IFFO2: variants seen among roughly 807,000 people sequenced by gnomAD.
IFFO2 encodes the protein intermediate filament family orphan 2.
IFFO2 carries 19 observed loss-of-function variants against 53.5 expected under a neutral mutation model. The ratio of observed to expected loss-of-function variants is 0.36; its 90% CI spans 0.25 to 0.52. The LOEUF is 0.52. Ranked by LOEUF, IFFO2 falls within the 20% of genes least tolerant of loss-of-function variation. IFFO2 has a pLI of 0.94. For synonymous variants in IFFO2, 303 were observed against 313.6 expected (o/e 0.97, Z 0.36); for missense variants, 570 against 727.4 (o/e 0.78, Z 2.49).
chr1:18,934,064 T>C (rs1224484543), intron 1 of IFFO2, among the ~76,000 whole-genome samples: 9 of 115,254 alleles, frequency 7.8e-5, no homozygotes, highest in African/African-American at 2.9e-4. Flanking sequence ...TTTCTTTTTT[T>C]TTTTTTTTTT....
rs1936727210 is a variant in IFFO2, at chr1:18,956,290, C to G, written c.43G>C (p.Gly15Arg). The G allele has an allele frequency of 4.4e-6, 3 of 680,666 alleles. No homozygotes were observed. The highest frequency in any genetic ancestry group is 5.7e-6 in the Non-Finnish European group (3 of 523,468). 42.2% of individuals were successfully genotyped at this position (680,666 alleles called of 1,614,324 possible). The change falls in exon 1 of 9, where the codon GGC becomes CGC. Residue 15 changes from glycine (G) to arginine (R), a missense_variant. Gly to Arg is a moderately radical substitution (Grantham distance 125, BLOSUM62 -2). Transcript: ENST00000455833. This position sits in a 1 kb window ranked among gnomAD's most constrained non-coding sequence, Gnocchi z 6.4. ...CCGCCGCCGCCGCCCGGCGGGCAGC[C>G]GAAGGCCAAGGCCATCTCCCCGAAC... is the stretch of plus-strand genomic sequence containing the variant. The part of the protein sequence containing the change: ...LLFGEMALAF[G>R]CPPGGGGGGC...
At chr1:18,914,912 G>A (rs1936109238) in intron 5 of IFFO2, among the ~76,000 whole-genome samples, 1 of 151,752 alleles carries the variant, frequency 6.6e-6, no homozygotes, top group African/African-American at 2.4e-5. Context: ...AAGAATCTAG[G>A]GGTCTCCTTA....
chr1:18,920,781 G>A (rs552111821), intron 2 of IFFO2, among the ~76,000 whole-genome samples: 1 of 152,206 alleles, frequency 6.6e-6, no homozygotes, highest in South Asian at 2.1e-4. Context: ...CTGGTCCCAG[G>A]TCATACAGCA....
chr1:18,944,313 C>T (rs1936558607), intron 1 of IFFO2, among the ~76,000 whole-genome samples: 1 of 152,110 alleles, frequency 6.6e-6, no homozygotes, highest in African/African-American at 2.4e-5. Context: ...ACCTCAAGTC[C>T]TCTGGGGCAT....
rs558494511 is a variant in IFFO2 at position 18,946,714 on chromosome 1, G to A, written c.665+8954C>T. On this transcript the variant is annotated intron_variant, in intron 1 of 8. Transcript: ENST00000455833. ...TTACAGGCATGAGCTACCGCACCGG[G>A]CCTGGGCTTGCCACTTTCAAGGTGT... 5.3e-5 allele frequency among the ~76,000 whole-genome samples: 8 copies of A among 151,326 alleles called. No individual in the cohort carries two copies. In the East Asian group the frequency reaches 1.6e-3, roughly 30 times the overall value.
In IFFO2 at chr1:18,952,786, C is replaced by T. The variant is rs1569870698; in HGVS notation, c.665+2882G>A. 2.0e-5 allele frequency among the ~76,000 whole-genome samples: 3 copies of T among 152,300 alleles called. No individual in the cohort carries two copies. The East Asian group carries it at 5.8e-4, about 29-fold the overall frequency. On this transcript the variant is annotated intron_variant, in intron 1 of 8. Transcript: ENST00000455833. ...TAAAACGGGATTGTGGTAATGACTG[C>T]ACAACTCTGTGAATTTACTCATCTT...
chr1:18,945,693 C>T (rs996962114), intron 1 of IFFO2, among the ~76,000 whole-genome samples: 6 of 152,230 alleles, frequency 3.9e-5, no homozygotes, highest in African/African-American at 1.2e-4. Context: ...GGCCCCACCC[C>T]CAGCACAGCC....
chr1:18,955,644 G>A, intron 1 of IFFO2, 24 bp downstream of exon 1: 2 of 1,542,974 alleles, frequency 1.3e-6, no homozygotes, highest in Non-Finnish European at 1.7e-6. Context: ...GTCCCAGGGC[G>A]GCGGGGGAGG....
chr1:18,924,782 G>A (rs1936258995), intron 1 of IFFO2, among the ~76,000 whole-genome samples: 1 of 152,206 alleles, frequency 6.6e-6, no homozygotes, highest in African/African-American at 2.4e-5. Flanking sequence ...CTGTTGGCTG[G>A]GGAGGGGTCC....
intron 1 of IFFO2, among the ~76,000 whole-genome samples, chr1:18,930,655 G>A (rs1936364568): frequency 6.6e-6 from 1 of 152,230 alleles, no homozygotes; most frequent in African/African-American, 2.4e-5. Flanking sequence ...GAGCCCAGCT[G>A]GTCTCATGGC....
intron 1 of IFFO2, among the ~76,000 whole-genome samples, chr1:18,933,087 G>A (rs1273964964): frequency 6.6e-6 from 1 of 152,238 alleles, no homozygotes; most frequent in Non-Finnish European, 1.5e-5. Context: ...CAAGTGCTGG[G>A]GACACAGAAG....
Position 18,946,409 on chromosome 1 carries a change from C to CTTTTT in IFFO2, c.665+9254_665+9258dup, listed in dbSNP as rs71577809. 4.8e-3 allele frequency among the ~76,000 whole-genome samples: 464 copies of CTTTTT among 96,354 alleles called. 1 individual carries two copies. The highest frequency in any genetic ancestry group is 7.5e-3 in the East Asian group (24 of 3,202). 63.2% of individuals were successfully genotyped at this position (96,354 alleles called of 152,430 possible). The stretch of plus-strand genomic sequence containing the variant: ...CGGTCAGATCTGGGCTTGCCACTTT[C>CTTTTT]TTTTTTTTTTTTTTTTTTTTTTTGA... On this transcript the variant is annotated intron_variant, in intron 1 of 8. Transcript: ENST00000455833.
Position 18,907,728 on chromosome 1 carries a change from C to A in IFFO2, c.*833G>T, listed in dbSNP as rs1935972117. The stretch of plus-strand genomic sequence containing the variant: ...AACCCACACTACCCAGTCAGTGCTG[C>A]CACACAGATCACCCTAACCCCGGCC... On this transcript the variant is annotated 3_prime_UTR_variant, in exon 9 of 9. Transcript: ENST00000455833. 6.6e-6 allele frequency: 1 copy of A among 152,364 alleles called. No homozygotes were observed. The highest frequency in any genetic ancestry group is 2.1e-4 in the South Asian group (1 of 4,838). 9.4% of individuals were successfully genotyped at this position (152,364 alleles called of 1,614,324 possible). A position where few individuals can be genotyped will look rare whatever the true frequency, so the allele number is the denominator to read the frequency against.
chr1:18,914,197 T>A (rs940485833), intron 5 of IFFO2, among the ~76,000 whole-genome samples: 5 of 152,194 alleles, frequency 3.3e-5, no homozygotes, highest in African/African-American at 1.2e-4. Context: ...CCAATTTAGC[T>A]CTATCAACAC....
intron 1 of IFFO2, among the ~76,000 whole-genome samples, chr1:18,939,139 G>A (rs975933639): frequency 6.6e-6 from 1 of 152,228 alleles, no homozygotes; most frequent in African/African-American, 2.4e-5. Context: ...AAGCCACAGG[G>A]TGGGTGGGAG....
chr1:18,925,808 T>TGGGA (rs1936276068), intron 1 of IFFO2, among the ~76,000 whole-genome samples: 1 of 49,688 alleles, frequency 2.0e-5, no homozygotes, highest in Non-Finnish European at 3.9e-5. Context: ...GATGGATTGG[T>TGGGA]TGGATGGATG....
intron 1 of IFFO2, among the ~76,000 whole-genome samples, chr1:18,949,951 G>A (rs1419755104): frequency 1.3e-5 from 2 of 152,212 alleles, no homozygotes; most frequent in Non-Finnish European, 2.9e-5. Context: ...TTCTTTTCTG[G>A]GACCTCATTC....
chr1:18,948,027 C>T (rs1180134815), intron 1 of IFFO2, among the ~76,000 whole-genome samples: 1 of 152,206 alleles, frequency 6.6e-6, no homozygotes, highest in Admixed American at 6.5e-5. Context: ...AAGTCTTCAC[C>T]TCTCTGAACC....
chr1:18,950,123 G>A lies in IFFO2; in HGVS notation c.665+5545C>T, dbSNP rs180970483. Among the ~76,000 whole-genome samples, 496 of 152,324 alleles carry A rather than the reference G, an allele frequency of 3.3e-3. 1 individual carries two copies. The highest frequency in any genetic ancestry group is 0.011 in the African/African-American group (473 of 41,566). On this transcript the variant is annotated intron_variant, in intron 1 of 8. Coordinates refer to ENST00000455833, the MANE Select transcript of IFFO2 (RefSeq NM_001136265.2). Reference sequence around the variant, plus strand: ...TAAAGGAAGTTGGGAGAAAGGGCTGGGGGATGGCGAGAGATTTCCGGAGGC... The same window carrying A: ...TAAAGGAAGTTGGGAGAAAGGGCTGAGGGATGGCGAGAGATTTCCGGAGGC...
Sources: gnomAD v4.1 joint callset for allele counts (sites outside exome capture counted in the v4.1 genomes callset) on GRCh38, gnomAD v4.1.1 for gene constraint, Gnocchi (gnomAD v3.1) non-coding constraint, MANE v1.5 for transcripts, NCBI Gene and HGNC (gene_info 2026-07-23, HGNC 2026-07-21) for gene names.